The following SPHKAP variants were observed in gnomAD, a reference collection of about 807,000 sequenced individuals.
SPHKAP encodes the protein A-kinase anchor protein SPHKAP.
Under a neutral mutation model 137.5 loss-of-function variants are expected in SPHKAP, and 67 were observed. That is an observed-to-expected ratio of 0.49 (90% CI 0.40 to 0.60). The LOEUF (loss-of-function observed/expected upper bound fraction) is 0.60. Among genes scored for constraint, SPHKAP ranks in the 20% least tolerant of loss-of-function variants. The pLI, the probability that SPHKAP is intolerant of heterozygous loss-of-function variation, is 0.00. For missense variants in SPHKAP, 2,097 were observed against 2,069.3 expected (o/e 1.01, Z -0.26); for synonymous variants, 813 against 785.3 (o/e 1.04, Z -0.59).
intron 1 of SPHKAP, among the ~76,000 whole-genome samples, chr2:228,148,538 G>T (rs551368389): frequency 7.2e-5 from 11 of 152,170 alleles, no homozygotes; most frequent in Non-Finnish European, 1.6e-4. Flanking sequence ...TGCAAGGACA[G>T]GGCCAAAACC....
intron 7 of SPHKAP, among the ~76,000 whole-genome samples, chr2:228,001,488 T>C (rs1427751090): frequency 6.9e-6 from 1 of 143,888 alleles, no homozygotes; most frequent in Non-Finnish European, 1.5e-5. Context: ...TATATATACG[T>C]ATATATAAGT....
Position 228,018,212 on chromosome 2 carries a change from G to C in SPHKAP, c.2642C>G (p.Pro881Arg), listed in dbSNP as rs768929713. Reference protein sequence around the residue: ...GSQEAEESIHPNTQEKYNCAT... With the variant: ...GSQEAEESIHRNTQEKYNCAT... ...ACAGTTGTACTTTTCTTGGGTGTTT[G>C]GGTGGATACTCTCCTCAGCCTCCTG... is the stretch of plus-strand genomic sequence containing the variant. The change falls in exon 7 of 12, where the codon CCA becomes CGA. Residue 881 changes from proline (P) to arginine (R), a missense_variant. Physicochemically the swap from Pro to Arg is moderately radical, Grantham distance 103. Transcript: ENST00000392056. The C allele has an allele frequency of 3.7e-6, 6 of 1,614,018 alleles. No individual in the cohort carries two copies. Among genetic ancestry groups the C allele is most frequent in the Non-Finnish European group, 5.1e-6 (6 of 1,180,024 alleles).
In SPHKAP at chr2:228,049,708, C is replaced by T. The variant is rs1254878351; in HGVS notation, c.247-22165G>A. ...TTCCCATTTTTTATGTCCATATGTA[C>T]CCAATGTTTAGCTCTTACTTGTAAG... On this transcript the variant is annotated intron_variant, in intron 3 of 11. Coordinates refer to ENST00000392056, the MANE Select transcript of SPHKAP (RefSeq NM_001142644.2). 9.2e-5 allele frequency among the ~76,000 whole-genome samples: 14 copies of T among 152,278 alleles called. No homozygotes were observed. The East Asian group carries it at 2.5e-3, about 27-fold the overall frequency.
At chr2:228,133,184 G>A (rs923005289) in intron 1 of SPHKAP, among the ~76,000 whole-genome samples, 2 of 151,902 alleles carry the variant, frequency 1.3e-5, no homozygotes, top group Non-Finnish European at 2.9e-5. Flanking sequence ...GTGCATGCCT[G>A]TAGTCCCAAC....
intron 1 of SPHKAP, among the ~76,000 whole-genome samples, chr2:228,132,307 C>A (rs1032763406): frequency 4.6e-5 from 7 of 152,154 alleles, no homozygotes; most frequent in African/African-American, 7.2e-5. Flanking sequence ...GAAAGTACAG[C>A]CCAATGCCTT....
intron 2 of SPHKAP, 143 bp downstream of exon 2, chr2:228,131,837 G>C (rs745807929): frequency 5.5e-5 from 78 of 1,416,532 alleles, no homozygotes; most frequent in Non-Finnish European, 7.2e-5. Flanking sequence ...TGTTATCAAG[G>C]CTTACTTGGG....
rs886380142 is a variant in SPHKAP, at chr2:228,134,037, G to C, written c.33-1952C>G. Among the ~76,000 whole-genome samples, 5 of 151,304 alleles carry C rather than the reference G, an allele frequency of 3.3e-5. No homozygotes were observed. In the East Asian group the frequency reaches 9.7e-4, roughly 29 times the overall value. On this transcript the variant is annotated intron_variant, in intron 1 of 11. Transcript: ENST00000392056. ...TTAGCTGAGGAAAGATAAAAGAAAG[G>C]AAGGAAGGAAGAGAGGAAGGAAGGA...
At chr2:228,050,841 C>CTGT (rs1254310012) in intron 3 of SPHKAP, among the ~76,000 whole-genome samples, 7 of 152,184 alleles carry the variant, frequency 4.6e-5, no homozygotes, top group African/African-American at 1.7e-4. Context: ...GGGTCTGACT[C>CTGT]TGTTGCCCAG....
At position 227,981,604 on chromosome 2, in the gene SPHKAP, TAG is replaced by T; in HGVS notation, c.*111_*112del. Reference sequence around the variant, plus strand: ...GATCTGAGTAGCAGATTTTTTTTTATAGTTCTGCTAATGTGATGTGATGTTTT... The same window carrying T: ...GATCTGAGTAGCAGATTTTTTTTTATTTCTGCTAATGTGATGTGATGTTTT... On this transcript the variant is annotated 3_prime_UTR_variant, in exon 12 of 12. Coordinates refer to ENST00000392056, the MANE Select transcript of SPHKAP (RefSeq NM_001142644.2). 7.3e-7 allele frequency: 1 copy of T among 1,368,522 alleles called. No individual in the cohort carries two copies. Among genetic ancestry groups the T allele is most frequent in the Non-Finnish European group, 9.8e-7 (1 of 1,019,352 alleles). The allele number at this position is 1,368,522 out of a possible 1,614,324, so 84.8% of individuals were successfully genotyped here.
At chr2:228,010,110 AG>A in intron 7 of SPHKAP, among the ~76,000 whole-genome samples, 1 of 152,146 alleles carries the variant, frequency 6.6e-6, no homozygotes, top group Non-Finnish European at 1.5e-5. Flanking sequence ...TTGTCTGAAA[AG>A]GCAATCCAGA....
At chr2:228,105,730 T>C (rs1468354959) in intron 3 of SPHKAP, among the ~76,000 whole-genome samples, 1 of 152,174 alleles carries the variant, frequency 6.6e-6, no homozygotes, top group Non-Finnish European at 1.5e-5. Flanking sequence ...GATGTATTTA[T>C]AAGGGATTTC....
intron 1 of SPHKAP, among the ~76,000 whole-genome samples, chr2:228,154,274 T>C (rs1700026553): frequency 6.6e-6 from 1 of 151,354 alleles, no homozygotes; most frequent in Non-Finnish European, 1.5e-5. Context: ...TTCCATTTCA[T>C]GAAAAAAAAG....
At chr2:227,998,620 A>G (rs1280204975) in intron 7 of SPHKAP, among the ~76,000 whole-genome samples, 2 of 152,154 alleles carry the variant, frequency 1.3e-5, no homozygotes, top group African/African-American at 4.8e-5. Context: ...ACCCTCAGTG[A>G]AGGAATTGCC....
intron 3 of SPHKAP, among the ~76,000 whole-genome samples, chr2:228,078,211 A>C (rs1250844943): frequency 6.6e-6 from 1 of 152,184 alleles, no homozygotes; most frequent in Non-Finnish European, 1.5e-5. Context: ...TTAAAGTCTC[A>C]ATGACTGTAA....
At chr2:228,032,443 T>G (rs927384996) in intron 3 of SPHKAP, among the ~76,000 whole-genome samples, 6 of 152,194 alleles carry the variant, frequency 3.9e-5, no homozygotes, top group Non-Finnish European at 7.3e-5. Flanking sequence ...TGGAACCAAG[T>G]TGGAAAACAC....
chr2:228,165,073 G>A (rs1700385355), intron 1 of SPHKAP, among the ~76,000 whole-genome samples: 1 of 151,938 alleles, frequency 6.6e-6, no homozygotes, highest in Non-Finnish European at 1.5e-5. Context: ...AAGTATGAAT[G>A]GATTCTGTTT....
intron 11 of SPHKAP, among the ~76,000 whole-genome samples, chr2:227,988,458 C>T (rs555548396): frequency 1.3e-5 from 2 of 152,124 alleles, no homozygotes; most frequent in African/African-American, 4.8e-5. Context: ...AAAATCAGGT[C>T]GGGATAAACA....
intron 3 of SPHKAP, among the ~76,000 whole-genome samples, chr2:228,063,514 C>T (rs1261363602): frequency 6.6e-6 from 1 of 152,116 alleles, no homozygotes; most frequent in Non-Finnish European, 1.5e-5. Flanking sequence ...AATTTTAGCT[C>T]ATGTAGCACA....
chr2:228,173,738 G>T (rs768653199), intron 1 of SPHKAP, among the ~76,000 whole-genome samples: 17 of 152,202 alleles, frequency 1.1e-4, no homozygotes, highest in Non-Finnish European at 1.9e-4. Context: ...CTACAGAACT[G>T]TGAGATGATA....
Sources: allele counts gnomAD v4.1 joint callset (sites outside exome capture counted in the v4.1 genomes callset), GRCh38; gene constraint gnomAD v4.1.1; transcripts MANE v1.5; gene names NCBI Gene and HGNC (gene_info 2026-07-23, HGNC 2026-07-21).